The following HS6ST3 variants were observed in gnomAD, a reference collection of about 807,000 sequenced individuals.
HS6ST3 encodes heparan-sulfate 6-O-sulfotransferase 3.
A neutral mutation model predicts 36.7 loss-of-function variants in HS6ST3; 12 were observed. The ratio of observed to expected loss-of-function variants is 0.33; its 90% CI spans 0.21 to 0.53. The LOEUF is 0.53. Among genes scored for constraint, HS6ST3 ranks in the 20% least tolerant of loss-of-function variants. HS6ST3 has a pLI of 0.95. For synonymous variants in HS6ST3, 240 were observed against 257.5 expected (o/e 0.93, Z 0.65); for missense variants, 584 against 640.9 (o/e 0.91, Z 0.96).
intron 1 of HS6ST3, among the ~76,000 whole-genome samples, chr13:96,338,592 T>G (rs1301474274): frequency 6.6e-6 from 1 of 152,202 alleles, no homozygotes; most frequent in Non-Finnish European, 1.5e-5. Context: ...GTTCGTATGC[T>G]GCCCTACTTC....
rs1350894372 is a variant in HS6ST3, at chr13:96,138,418, TATAAATATATATTTACAGTTTATAA to T, written c.707+46853_707+46877del. 3.4e-5 allele frequency among the ~76,000 whole-genome samples: 5 copies of T among 148,606 alleles called. No individual in the cohort carries two copies. In the South Asian group the frequency reaches 6.3e-4, roughly 19 times the overall value. ...AGTTTATAAATATATATTTACAGTT[TATAAATATATATTTACAGTTTATAA>T]ATATATAGTTTATAAATACATATAT... On this transcript the variant is annotated intron_variant, in intron 1 of 1. Coordinates refer to ENST00000376705, the MANE Select transcript of HS6ST3 (RefSeq NM_153456.4).
intron 1 of HS6ST3, among the ~76,000 whole-genome samples, chr13:96,558,514 T>C (rs2056249722): frequency 6.6e-6 from 1 of 152,204 alleles, no homozygotes; most frequent in South Asian, 2.1e-4. Context: ...AAACCATTTA[T>C]AGATTCATTT....
chr13:96,491,909 T>C (rs1043228240), intron 1 of HS6ST3, among the ~76,000 whole-genome samples: 12 of 152,156 alleles, frequency 7.9e-5, no homozygotes, highest in African/African-American at 2.9e-4. Context: ...AGAGAATGAA[T>C]GGAGATAGAT....
chr13:96,484,613 G>A (rs1194293605), intron 1 of HS6ST3, among the ~76,000 whole-genome samples: 1 of 152,102 alleles, frequency 6.6e-6, no homozygotes, highest in Non-Finnish European at 1.5e-5. Context: ...GTCTTTCTGT[G>A]TCTGGCTTAT....
At position 96,323,526 on chromosome 13, in the gene HS6ST3, A is replaced by C. The variant is rs546695372; in HGVS notation, c.707+231957A>C. ...TTCTCAACATGGCAGCCACAGCCTC[A>C]TAGTTCATGGCACTCCTTTGCTCAA... On this transcript the variant is annotated intron_variant, in intron 1 of 1. Transcript: ENST00000376705. 1.1e-4 allele frequency among the ~76,000 whole-genome samples: 17 copies of C among 152,256 alleles called. No homozygotes were observed. In the East Asian group the frequency reaches 3.1e-3, roughly 28 times the overall value.
chr13:96,591,056 T>G (rs1367957554), intron 1 of HS6ST3, among the ~76,000 whole-genome samples: 3 of 128,124 alleles, frequency 2.3e-5, no homozygotes, highest in South Asian at 2.3e-4. Flanking sequence ...TAGATGTCTG[T>G]TTTTTTTTTT....
intron 1 of HS6ST3, among the ~76,000 whole-genome samples, chr13:96,746,239 C>T (rs1223848956): frequency 1.3e-5 from 2 of 151,936 alleles, no homozygotes; most frequent in Non-Finnish European, 2.9e-5. Context: ...TCCAGTTTTG[C>T]ATTGAGGAAT....
At chr13:96,272,426 T>C (rs1055426435) in intron 1 of HS6ST3, among the ~76,000 whole-genome samples, 1 of 151,944 alleles carries the variant, frequency 6.6e-6, no homozygotes, top group Non-Finnish European at 1.5e-5. Flanking sequence ...TCCTCTCTGG[T>C]GATGAGTATA....
At chr13:96,701,425 G>T (rs540518422) in intron 1 of HS6ST3, among the ~76,000 whole-genome samples, 2 of 152,200 alleles carry the variant, frequency 1.3e-5, no homozygotes, top group Admixed American at 6.5e-5. Context: ...GAAGAGGCTG[G>T]GTTTTAAATA....
chr13:96,699,333 ATTT>A (rs1408499727), intron 1 of HS6ST3, among the ~76,000 whole-genome samples: 1 of 152,148 alleles, frequency 6.6e-6, no homozygotes, highest in Non-Finnish European at 1.5e-5. Context: ...ATGGGAGAAA[ATTT>A]TTGCAACCTA....
intron 1 of HS6ST3, among the ~76,000 whole-genome samples, chr13:96,786,644 G>A (rs1175697109): frequency 6.6e-6 from 1 of 152,082 alleles, no homozygotes; most frequent in Non-Finnish European, 1.5e-5. Context: ...GCATTTGCTT[G>A]AATAAAAGTT....
intron 1 of HS6ST3, among the ~76,000 whole-genome samples, chr13:96,281,916 A>G (rs1216643388): frequency 6.6e-6 from 1 of 152,138 alleles, no homozygotes; most frequent in East Asian, 1.9e-4. Context: ...TGTAATAAGA[A>G]TTTTTCAGTG....
intron 1 of HS6ST3, among the ~76,000 whole-genome samples, chr13:96,194,875 C>T (rs1169935476): frequency 1.3e-5 from 2 of 151,992 alleles, no homozygotes; most frequent in African/African-American, 4.8e-5. Context: ...TTTTAATTCC[C>T]TTTAGCCTTT....
chr13:96,346,828 A>G (rs1337170152), intron 1 of HS6ST3, among the ~76,000 whole-genome samples: 3 of 152,038 alleles, frequency 2.0e-5, no homozygotes, highest in South Asian at 2.1e-4. Context: ...TTCTTCTAGT[A>G]TAGAATATGG....
At chr13:96,330,370 C>G (rs7988861) in intron 1 of HS6ST3, among the ~76,000 whole-genome samples, 1 of 148,358 alleles carries the variant, frequency 6.7e-6, no homozygotes, top group Non-Finnish European at 1.5e-5. Context: ...TCTTTTAGGG[C>G]AGGCCTGGTG....
intron 1 of HS6ST3, among the ~76,000 whole-genome samples, chr13:96,700,565 A>G (rs1875258668): frequency 1.3e-5 from 2 of 152,166 alleles, no homozygotes; most frequent in South Asian, 2.1e-4. Flanking sequence ...TTGAACAACC[A>G]TCATGTATGT....
At chr13:96,625,344 C>T (rs1348480216) in intron 1 of HS6ST3, among the ~76,000 whole-genome samples, 1 of 152,132 alleles carries the variant, frequency 6.6e-6, no homozygotes, top group Non-Finnish European at 1.5e-5. Context: ...CAGTCCCCTA[C>T]CTCACATGTG....
At chr13:96,202,390 GA>G (rs2054347129) in intron 1 of HS6ST3, among the ~76,000 whole-genome samples, 1 of 152,148 alleles carries the variant, frequency 6.6e-6, no homozygotes, top group Admixed American at 6.5e-5. Context: ...TAACTGCGCT[GA>G]TTTCATCAAA....
intron 1 of HS6ST3, among the ~76,000 whole-genome samples, chr13:96,192,773 CA>C (rs2054294492): frequency 6.6e-6 from 1 of 151,690 alleles, no homozygotes; most frequent in Non-Finnish European, 1.5e-5. Context: ...GGTAGATACT[CA>C]ATAATGGGAT....
Sources: allele counts gnomAD v4.1 joint callset (sites outside exome capture counted in the v4.1 genomes callset), GRCh38; gene constraint gnomAD v4.1.1; transcripts MANE v1.5; gene names NCBI Gene and HGNC (gene_info 2026-07-23, HGNC 2026-07-21).